CADM1: variants seen among roughly 807,000 people sequenced by gnomAD.
The protein encoded by CADM1 is cell adhesion molecule 1.
A neutral mutation model predicts 53.1 loss-of-function variants in CADM1; 15 were observed. That is an observed-to-expected ratio of 0.28 (90% confidence interval 0.19 to 0.44). The LOEUF is 0.44. Among genes scored for constraint, CADM1 ranks in the 20% least tolerant of loss-of-function variants. The probability of loss-of-function intolerance (pLI) is 1.00; values close to 1 mark genes in which losing one functional copy is unlikely to be tolerated. For missense variants in CADM1, 434 were observed against 611.3 expected, an observed-to-expected ratio of 0.71 and a Z score of 3.06; for synonymous variants, 281 against 243.0, an observed-to-expected ratio of 1.16 and a Z score of -1.45.
chr11:115,356,750 T>C (rs1481805681), intron 1 of CADM1, among the ~76,000 whole-genome samples: 3 of 152,328 alleles, frequency 2.0e-5, no homozygotes, highest in Admixed American at 1.3e-4. Flanking sequence ...TAAAAAACTT[T>C]TGTCAGTGTT....
intron 1 of CADM1, among the ~76,000 whole-genome samples, chr11:115,441,910 T>C (rs1220420687): frequency 6.6e-6 from 1 of 152,044 alleles, no homozygotes; most frequent in Non-Finnish European, 1.5e-5. Flanking sequence ...TATTTTAAGC[T>C]GATGAGAACA....
intron 1 of CADM1, among the ~76,000 whole-genome samples, chr11:115,391,904 C>A (rs970601740): frequency 6.6e-6 from 1 of 152,138 alleles, no homozygotes; most frequent in African/African-American, 2.4e-5. Flanking sequence ...CAAGGTGATT[C>A]ATTTTAGCTA....
At chr11:115,184,091 T>C (rs1196437256) in intron 10 of CADM1, among the ~76,000 whole-genome samples, 1 of 152,092 alleles carries the variant, frequency 6.6e-6, no homozygotes, top group Non-Finnish European at 1.5e-5. Flanking sequence ...GATTAGTCTA[T>C]TTCAGAGAAA....
intron 6 of CADM1, 98 bp downstream of exon 6, chr11:115,217,794 G>A: frequency 1.3e-6 from 1 of 795,912 alleles, no homozygotes; most frequent in Non-Finnish European, 2.3e-6. Context: ...CTTTGCAGCA[G>A]GAGACAGGTG....
At chr11:115,416,760 A>C (rs942801343) in intron 1 of CADM1, among the ~76,000 whole-genome samples, 2 of 151,900 alleles carry the variant, frequency 1.3e-5, no homozygotes, top group African/African-American at 2.4e-5. Flanking sequence ...TCACAGTGTA[A>C]AAACTCAGGC....
chr11:115,404,558 T>C (rs1401372552), intron 1 of CADM1, among the ~76,000 whole-genome samples: 1 of 148,728 alleles, frequency 6.7e-6, no homozygotes, highest in Non-Finnish European at 1.5e-5. Context: ...AAGATTGAGT[T>C]TGCCTGCATT....
At chr11:115,485,796 C>T (rs1187544295) in intron 1 of CADM1, among the ~76,000 whole-genome samples, 3 of 152,180 alleles carry the variant, frequency 2.0e-5, no homozygotes, top group East Asian at 3.8e-4. Flanking sequence ...AACGCTAAGA[C>T]ACATCTCTTT....
At chr11:115,501,952 C>A (rs1432610443) in intron 1 of CADM1, among the ~76,000 whole-genome samples, 2 of 152,120 alleles carry the variant, frequency 1.3e-5, no homozygotes, top group Admixed American at 6.5e-5. Context: ...GTCATCTCAT[C>A]TCCTCACTAC....
At chr11:115,199,318 T>C (rs1940311412) in intron 8 of CADM1, among the ~76,000 whole-genome samples, 1 of 152,266 alleles carries the variant, frequency 6.6e-6, no homozygotes, top group African/African-American at 2.4e-5. Flanking sequence ...GGAGTCCTGC[T>C]TTCATGGCTG....
At chr11:115,483,725 G>A (rs1949306423) in intron 1 of CADM1, among the ~76,000 whole-genome samples, 1 of 152,106 alleles carries the variant, frequency 6.6e-6, no homozygotes, top group Non-Finnish European at 1.5e-5. Context: ...ATGTTTTTTA[G>A]TCTAGAGCTA....
intron 1 of CADM1, among the ~76,000 whole-genome samples, chr11:115,500,169 G>C (rs1373566325): frequency 6.6e-6 from 1 of 152,134 alleles, no homozygotes; most frequent in Non-Finnish European, 1.5e-5. Context: ...AAAACGTACA[G>C]CATTTGAATC....
chr11:115,338,818 T>G (rs137895929), intron 1 of CADM1, among the ~76,000 whole-genome samples: 306 of 152,090 alleles, frequency 2.0e-3, no homozygotes, highest in African/African-American at 6.8e-3. Context: ...CTATATGCTT[T>G]GTAAGATCCT....
At chr11:115,295,527 T>C (rs1456066414) in intron 1 of CADM1, among the ~76,000 whole-genome samples, 1 of 83,318 alleles carries the variant, frequency 1.2e-5, no homozygotes, top group African/African-American at 8.4e-5. Context: ...TATATATATA[T>C]ATATATATAT....
intron 1 of CADM1, among the ~76,000 whole-genome samples, chr11:115,253,525 T>C (rs1942675703): frequency 6.6e-6 from 1 of 152,236 alleles, no homozygotes; most frequent in South Asian, 2.1e-4. Context: ...AATAATAATA[T>C]TTTGTTTAGT....
At chr11:115,460,114 C>G (rs1437523696) in intron 1 of CADM1, among the ~76,000 whole-genome samples, 1 of 151,846 alleles carries the variant, frequency 6.6e-6, no homozygotes, top group East Asian at 1.9e-4. Flanking sequence ...AGAAAGCCCC[C>G]CTACCTTCCA....
At chr11:115,352,623 A>G (rs1467882227) in intron 1 of CADM1, among the ~76,000 whole-genome samples, 1 of 152,192 alleles carries the variant, frequency 6.6e-6, no homozygotes, top group African/African-American at 2.4e-5. Context: ...TTCTTAGTAA[A>G]ACAACAGAGA....
At chr11:115,316,804 A>G (rs184508274) in intron 1 of CADM1, among the ~76,000 whole-genome samples, 9 of 152,202 alleles carry the variant, frequency 5.9e-5, no homozygotes, top group African/African-American at 2.2e-4. Flanking sequence ...GAAGTGTTCT[A>G]CTAACATCTT....
chr11:115,230,993 C>T (rs1941793016), intron 4 of CADM1, among the ~76,000 whole-genome samples: 1 of 152,116 alleles, frequency 6.6e-6, no homozygotes, highest in African/African-American at 2.4e-5. Flanking sequence ...CTGCAAAAGA[C>T]AGGGTAAAAG....
intron 1 of CADM1, among the ~76,000 whole-genome samples, chr11:115,295,013 T>C (rs1409086512): frequency 6.6e-6 from 1 of 152,120 alleles, no homozygotes; most frequent in South Asian, 2.1e-4. Context: ...CACTCCAGCC[T>C]GGGCAACAAG....
Sources: allele counts gnomAD v4.1 joint callset (sites outside exome capture counted in the v4.1 genomes callset), GRCh38; gene constraint gnomAD v4.1.1; transcripts MANE v1.5; gene names NCBI Gene and HGNC (gene_info 2026-07-23, HGNC 2026-07-21).